MYOM2: variants seen among roughly 807,000 people sequenced by gnomAD.
The protein encoded by MYOM2 is myomesin 2.
MYOM2 carries 254 observed loss-of-function variants against 187.6 expected under a neutral mutation model. The ratio of observed to expected loss-of-function variants is 1.35; its 90% CI spans 1.22 to 1.50. MYOM2 has a LOEUF of 1.50. Among genes scored for constraint, MYOM2 ranks in the 40% most tolerant of loss-of-function variants. MYOM2 has a pLI of 0.00. For synonymous variants in MYOM2, 981 were observed against 753.8 expected, an observed-to-expected ratio of 1.30 and a Z score of -4.94; for missense variants, 2,796 against 1,924.0, an observed-to-expected ratio of 1.45 and a Z score of -8.48.
At chr8:2,101,757 C>A (rs1050040870) in intron 20 of MYOM2, among the ~76,000 whole-genome samples, 1 of 152,092 alleles carries the variant, frequency 6.6e-6, no homozygotes, top group Non-Finnish European at 1.5e-5. Context: ...TCACGCCGGG[C>A]ATTTAATTTA....
chr8:2,073,833 C>T (rs1348370064), intron 10 of MYOM2, among the ~76,000 whole-genome samples: 1 of 152,144 alleles, frequency 6.6e-6, no homozygotes, highest in African/African-American at 2.4e-5. Flanking sequence ...GAACGTAGCC[C>T]GAGGATGAAG....
chr8:2,113,869 C>G (rs554028106), intron 25 of MYOM2, among the ~76,000 whole-genome samples: 4 of 152,346 alleles, frequency 2.6e-5, no homozygotes, highest in South Asian at 2.1e-4. Context: ...TTTGGTATTT[C>G]TCACTGCCAG....
At position 2,143,162 on chromosome 8, in the gene MYOM2, C is replaced by A. The variant is rs1431613150; in HGVS notation, c.4025-239C>A. Among the ~76,000 whole-genome samples, 7 of 152,272 alleles carry A rather than the reference C, an allele frequency of 4.6e-5. 1 individual carries two copies. The highest frequency in any genetic ancestry group is 4.6e-4 in the Admixed American group (7 of 15,290). On this transcript the variant is annotated intron_variant, in intron 35 of 36. Coordinates refer to ENST00000262113, the MANE Select transcript of MYOM2 (RefSeq NM_003970.4). ...AAGCCCAGTTCCCATCTCACATTTC[C>A]TCTGGAGTGTTTCTCCCCCAACCCC...
At chr8:2,065,719 A>T (rs1247463694) in intron 6 of MYOM2, among the ~76,000 whole-genome samples, 1 of 152,168 alleles carries the variant, frequency 6.6e-6, no homozygotes, top group Non-Finnish European at 1.5e-5. Flanking sequence ...AAATGAAAAC[A>T]TTTTTACCTT....
At chr8:2,142,067 A>C (rs531617856) in intron 34 of MYOM2, among the ~76,000 whole-genome samples, 5 of 107,916 alleles carry the variant, frequency 4.6e-5, no homozygotes, top group African/African-American at 2.1e-4. Flanking sequence ...AGTGCAATCT[A>C]GTGAATTTGT....
chr8:2,060,589 G>A (rs1818819773), intron 6 of MYOM2, among the ~76,000 whole-genome samples: 1 of 152,188 alleles, frequency 6.6e-6, no homozygotes, highest in South Asian at 2.1e-4. Flanking sequence ...GTAAAGCAGT[G>A]AGTGCATCAT....
chr8:2,132,656 A>T (rs903084048), intron 32 of MYOM2, among the ~76,000 whole-genome samples: 1 of 151,986 alleles, frequency 6.6e-6, no homozygotes, highest in African/African-American at 2.4e-5. Flanking sequence ...GTGCCATTCT[A>T]GCTCACTGTA....
At chr8:2,076,036 C>G in intron 10 of MYOM2, 105 bp from the exon 11 acceptor site, 1 of 1,117,356 alleles carries the variant, frequency 8.9e-7, no homozygotes, top group Non-Finnish European at 1.2e-6. Flanking sequence ...AAACAGTGGT[C>G]AAATCAAGGG....
rs2116709506 is a variant in MYOM2, at chr8:2,086,288, CGTG to C, written c.1644+899_1644+901del. Among the ~76,000 whole-genome samples, 361 of 119,622 alleles carry C rather than the reference CGTG, an allele frequency of 3.0e-3. 112 individuals carry two copies. The highest frequency in any genetic ancestry group is 6.4e-3 in the African/African-American group (203 of 31,726). The allele number at this position is 119,622 out of a possible 152,430, so 78.5% of individuals were successfully genotyped here. Reference sequence around the variant, plus strand: ...GTCATGATCTCTGGCACCCCACTGTCGTGATCTCCGCGTGGCCCCCCACAGTCG... The same window carrying C: ...GTCATGATCTCTGGCACCCCACTGTCATCTCCGCGTGGCCCCCCACAGTCG... On this transcript the variant is annotated intron_variant, in intron 14 of 36. Transcript: ENST00000262113.
At chr8:2,062,723 T>C (rs1250667261) in intron 6 of MYOM2, among the ~76,000 whole-genome samples, 1 of 152,002 alleles carries the variant, frequency 6.6e-6, no homozygotes, top group Non-Finnish European at 1.5e-5. Flanking sequence ...AGCTCATGGG[T>C]ATGTGGGGCT....
intron 6 of MYOM2, among the ~76,000 whole-genome samples, chr8:2,064,509 G>T (rs1190592987): frequency 1.8e-5 from 1 of 57,082 alleles, no homozygotes; most frequent in Admixed American, 2.0e-4. Flanking sequence ...GAAGGAGAGC[G>T]CTCTCTTCGG....
intron 8 of MYOM2, among the ~76,000 whole-genome samples, chr8:2,070,324 C>T (rs1275696030): frequency 6.6e-6 from 1 of 152,332 alleles, no homozygotes; most frequent in East Asian, 1.9e-4. Context: ...GAGAGTTGAC[C>T]GAAGCAACGA....
intron 21 of MYOM2, among the ~76,000 whole-genome samples, chr8:2,104,080 T>A (rs536362535): frequency 6.6e-6 from 1 of 152,326 alleles, no homozygotes; most frequent in Admixed American, 6.5e-5. Context: ...GTTCTTCGAA[T>A]CGTCAAGCCA....
Position 2,144,636 on chromosome 8 carries a change from C to G in MYOM2, c.4081-28C>G. ...ATGACTTTCCTTTTTCTAACTCTTC[C>G]TTCTCCACCAACCTCTTCCGTCCAA... is the stretch of plus-strand genomic sequence containing the variant. On this transcript the variant is annotated intron_variant, in intron 36 of 36. Coordinates refer to ENST00000262113, the MANE Select transcript of MYOM2 (RefSeq NM_003970.4). The G allele has an allele frequency of 1.9e-6, 3 of 1,608,094 alleles. No individual in the cohort carries two copies. In the South Asian group the frequency reaches 3.3e-5, roughly 18 times the overall value.
intron 32 of MYOM2, among the ~76,000 whole-genome samples, chr8:2,137,245 A>T (rs1228961814): frequency 6.6e-6 from 1 of 151,844 alleles, no homozygotes; most frequent in Non-Finnish European, 1.5e-5. Context: ...TGGGAGGATG[A>T]GCTCACACAG....
At chr8:2,080,745 C>T (rs60230356) in intron 13 of MYOM2, among the ~76,000 whole-genome samples, 5,029 of 152,348 alleles carry the variant, frequency 0.033, 297 homozygotes, top group African/African-American at 0.12. Flanking sequence ...TGAAAAATGG[C>T]TCCAAATACT....
intron 8 of MYOM2, 118 bp from the exon 9 acceptor site, chr8:2,072,226 GT>G: frequency 4.6e-6 from 1 of 216,086 alleles, no homozygotes; most frequent in Non-Finnish European, 9.0e-6. Context: ...GCGAGACTCC[GT>G]CCCCCCGCCC....
At chr8:2,094,257 T>A (rs893231964) in intron 17 of MYOM2, among the ~76,000 whole-genome samples, 166 bp downstream of exon 17, 1 of 152,198 alleles carries the variant, frequency 6.6e-6, no homozygotes, top group Non-Finnish European at 1.5e-5. Context: ...TGGCTGCTTG[T>A]CTTGGAAATG....
intron 13 of MYOM2, 150 bp from the exon 14 acceptor site, chr8:2,085,113 A>C: frequency 1.2e-6 from 1 of 867,796 alleles, no homozygotes; most frequent in Non-Finnish European, 1.7e-6. Flanking sequence ...TCTGGTTCCA[A>C]GGAAGCATCT....
Sources: gnomAD v4.1 joint callset for allele counts (sites outside exome capture counted in the v4.1 genomes callset) on GRCh38, gnomAD v4.1.1 for gene constraint, MANE v1.5 for transcripts, NCBI Gene and HGNC (gene_info 2026-07-23, HGNC 2026-07-21) for gene names.